Variants in CRB1 observed in about 807,000 individuals in gnomAD.
CRB1 encodes protein crumbs homolog 1.
In CRB1, 83 loss-of-function variants were observed where a neutral mutation model predicts 120.0. That is an observed-to-expected ratio of 0.69 (90% CI 0.58 to 0.83). CRB1 has a LOEUF of 0.83. Among genes scored for constraint, CRB1 ranks in the 40% least tolerant of loss-of-function variants. The pLI is 0.00. For synonymous variants in CRB1, 625 were observed against 612.5 expected, an observed-to-expected ratio of 1.02 and a Z score of -0.30; for missense variants, 1,699 against 1,687.6, an observed-to-expected ratio of 1.01 and a Z score of -0.12.
intron 5 of CRB1, among the ~76,000 whole-genome samples, chr1:197,368,277 A>T (rs944961382): frequency 6.6e-6 from 1 of 152,196 alleles, no homozygotes; most frequent in Admixed American, 6.5e-5. Context: ...GATATTTGAT[A>T]TGCATAAATA....
intron 1 of CRB1, among the ~76,000 whole-genome samples, chr1:197,274,833 A>G (rs1483473873): frequency 1.3e-5 from 2 of 151,460 alleles, no homozygotes; most frequent in African/African-American, 2.4e-5. Context: ...ACACTCACCT[A>G]CTGAAGGACA....
In CRB1 at chr1:197,478,173, T is replaced by C; in HGVS notation, c.*294T>C. ...CTTCTGTGGCTTTAGTGGCTATCAC[T>C]GAAACTCTTTCCTCTTTTCAACCTG... On this transcript the variant is annotated 3_prime_UTR_variant, in exon 12 of 12. Transcript: ENST00000367400. 1 of 401,152 alleles carries C rather than the reference T, an allele frequency of 2.5e-6. No homozygotes were observed. Among genetic ancestry groups the C allele is most frequent in the Non-Finnish European group, 4.6e-6 (1 of 216,618 alleles). 24.8% of individuals were successfully genotyped at this position (401,152 alleles called of 1,614,324 possible).
At chr1:197,349,235 A>G (rs959018340) in intron 4 of CRB1, among the ~76,000 whole-genome samples, 3 of 152,166 alleles carry the variant, frequency 2.0e-5, no homozygotes, top group Admixed American at 6.5e-5. Context: ...AATAGACTAT[A>G]CCCTATAGCC....
Position 197,466,245 on chromosome 1 carries a change from T to C in CRB1, c.4006-11419T>C, listed in dbSNP as rs186308382. Among the ~76,000 whole-genome samples, 109 of 152,332 alleles carry C rather than the reference T, an allele frequency of 7.2e-4. No homozygotes were observed. The East Asian group carries it at 0.02, about 28-fold the overall frequency. ...ATGCATTGGCTCTGCTCTGAGGCAGTTCAGGCTCTAGTAATTTAATGCAGG... is the reference window on the plus strand; with the variant it reads ...ATGCATTGGCTCTGCTCTGAGGCAGCTCAGGCTCTAGTAATTTAATGCAGG... On this transcript the variant is annotated intron_variant, in intron 11 of 11. Coordinates refer to ENST00000367400, the MANE Select transcript of CRB1 (RefSeq NM_201253.3).
chr1:197,382,936 C>A (rs936325610), intron 5 of CRB1, among the ~76,000 whole-genome samples: 2 of 152,136 alleles, frequency 1.3e-5, no homozygotes, highest in Non-Finnish European at 1.5e-5. Flanking sequence ...AGGATGCAGA[C>A]CTGCTCCAAA....
rs114630940 is a variant in CRB1 at position 197,429,581 on chromosome 1, G to C, written c.2809G>C (p.Ala937Pro). The stretch of plus-strand genomic sequence containing the variant: ...TGGATTCAGCCCGTGTCCTCACGGA[G>C]CCCAGTGCCAGCCGGTGCTTCAAGG... ...WCGFSPCPHGAQCQPVLQGFE... is the reference protein window; with the variant it reads ...WCGFSPCPHGPQCQPVLQGFE... Residue 937 changes from alanine to proline, a missense_variant, in exon 8 of 12, where the codon GCC becomes CCC. Coordinates refer to ENST00000367400, the MANE Select transcript of CRB1 (RefSeq NM_201253.3). The C allele has an allele frequency of 6.2e-7, 1 of 1,614,030 alleles. No individual in the cohort carries two copies. The highest frequency in any genetic ancestry group is 2.2e-5 in the East Asian group (1 of 44,868).
At chr1:197,417,038 A>G (rs1226684273) in intron 5 of CRB1, among the ~76,000 whole-genome samples, 1 of 152,190 alleles carries the variant, frequency 6.6e-6, no homozygotes, top group African/African-American at 2.4e-5. Context: ...GGGATGTGTG[A>G]AAATTCTTCA....
chr1:197,461,360 T>C (rs1010924560), intron 11 of CRB1, among the ~76,000 whole-genome samples: 2 of 152,028 alleles, frequency 1.3e-5, no homozygotes, highest in African/African-American at 4.8e-5. Flanking sequence ...AGGCCGTGGC[T>C]GGGGAAGACA....
intron 5 of CRB1, among the ~76,000 whole-genome samples, chr1:197,407,685 G>A (rs1663486178): frequency 6.6e-6 from 1 of 152,132 alleles, no homozygotes; most frequent in South Asian, 2.1e-4. Context: ...CTAGTGATGT[G>A]TCCTAAGATT....
chr1:197,361,256 A>T (rs1024821863), intron 5 of CRB1, among the ~76,000 whole-genome samples: 3 of 151,322 alleles, frequency 2.0e-5, no homozygotes, highest in Admixed American at 2.0e-4. Context: ...TATTGACCTC[A>T]TAAAATAAGT....
chr1:197,447,891 C>G (rs949661901), intron 11 of CRB1, among the ~76,000 whole-genome samples: 1 of 151,114 alleles, frequency 6.6e-6, no homozygotes, highest in South Asian at 2.1e-4. Flanking sequence ...TCTGCCAAAC[C>G]TTCTCTCACA....
intron 2 of CRB1, among the ~76,000 whole-genome samples, chr1:197,330,677 A>G (rs1658797334): frequency 6.6e-6 from 1 of 152,220 alleles, no homozygotes; most frequent in South Asian, 2.1e-4. Context: ...TTCCAGCTGG[A>G]ATAATAATTC....
At chr1:197,280,700 T>C (rs534907064) in intron 1 of CRB1, among the ~76,000 whole-genome samples, 19 of 151,970 alleles carry the variant, frequency 1.3e-4, no homozygotes, top group Non-Finnish European at 2.2e-4. Flanking sequence ...GGGTCAGTTG[T>C]AGTCCTTGCC....
Position 197,421,769 on chromosome 1 carries a change from A to C in CRB1, c.1941A>C (p.Lys647Asn). Residue 647 changes from lysine (K) to asparagine (N), a missense_variant, in exon 6 of 12, where the codon AAA (lysine) becomes AAC (asparagine). Physicochemically the swap from Lys to Asn is moderately conservative, Grantham distance 94. Transcript: ENST00000367400. ...TTGTAGGCTGTCTCCAAGACATTAA[A>C]ATTGATTGGAATCACATTACCCTGG... is the stretch of plus-strand genomic sequence containing the variant. The part of the protein sequence containing the change: ...PSFVGCLQDI[K>N]IDWNHITLEN... The C allele has an allele frequency of 6.2e-7, 1 of 1,614,190 alleles. No individual in the cohort carries two copies.
At chr1:197,354,195 GTAA>G (rs1187043852) in intron 4 of CRB1, among the ~76,000 whole-genome samples, 1 of 152,144 alleles carries the variant, frequency 6.6e-6, no homozygotes, top group Non-Finnish European at 1.5e-5. Flanking sequence ...TCCACTGCTG[GTAA>G]TGTGCAAATG....
At position 197,361,200 on chromosome 1, in the gene CRB1, C is replaced by CT. The variant is rs201042582; in HGVS notation, c.1171+4198dup. Among the ~76,000 whole-genome samples the CT allele has an allele frequency of 7.1e-3, 1,014 of 143,042 alleles. 15 individuals are homozygous for CT. The highest frequency in any genetic ancestry group is 0.048 in the East Asian group (239 of 4,936). 93.8% of individuals were successfully genotyped at this position (143,042 alleles called of 152,430 possible). The stretch of plus-strand genomic sequence containing the variant: ...TTGGTCTATAGTTTTCTTTCTCTCT[C>CT]TTTTTTTTTTTGTACTGTCTTTGTC... On this transcript the variant is annotated intron_variant, in intron 5 of 11. Coordinates refer to ENST00000367400, the MANE Select transcript of CRB1 (RefSeq NM_201253.3).
chr1:197,339,998 T>C (rs1659360963), intron 2 of CRB1, among the ~76,000 whole-genome samples: 1 of 152,286 alleles, frequency 6.6e-6, no homozygotes, highest in Admixed American at 6.5e-5. Flanking sequence ...TTTTTAAATA[T>C]TCAAGAATAT....
At chr1:197,239,082 G>T in the CRB1 span, among the ~76,000 whole-genome samples, 1 of 151,982 alleles carries the variant, frequency 6.6e-6, no homozygotes, top group African/African-American at 2.4e-5. Context: ...GGGATATCAA[G>T]CTCTATATAA....
the CRB1 span, among the ~76,000 whole-genome samples, chr1:197,201,578 C>A: frequency 1.3e-5 from 2 of 152,204 alleles, no homozygotes; most frequent in Non-Finnish European, 2.9e-5. Flanking sequence ...TGGCCTACCC[C>A]GATCGAAACC....
Sources: gnomAD v4.1 joint callset for allele counts (sites outside exome capture counted in the v4.1 genomes callset) on GRCh38, gnomAD v4.1.1 for gene constraint, MANE v1.5 for transcripts, NCBI Gene and HGNC (gene_info 2026-07-23, HGNC 2026-07-21) for gene names.